Variants in FAM185A observed in about 807,000 individuals in gnomAD.
FAM185A encodes protein FAM185A.
Under a neutral mutation model 45.7 loss-of-function variants are expected in FAM185A, and 21 were observed. The ratio of observed to expected loss-of-function variants is 0.46; its 90% CI spans 0.33 to 0.66. The LOEUF is 0.66. Among genes scored for constraint, FAM185A ranks in the 30% least tolerant of loss-of-function variants. The pLI is 0.03. For missense variants in FAM185A, 305 were observed against 485.4 expected (o/e 0.63, Z 3.49); for synonymous variants, 117 against 194.0 (o/e 0.60, Z 3.30).
At chr7:102,791,570 G>T (rs1362475593) in intron 7 of FAM185A, among the ~76,000 whole-genome samples, 1 of 152,222 alleles carries the variant, frequency 6.6e-6, no homozygotes. Context: ...GGGCCAAATC[G>T]CAGAATGATG....
chr7:102,753,554 G>A (rs1280704984), intron 2 of FAM185A, among the ~76,000 whole-genome samples: 2 of 152,124 alleles, frequency 1.3e-5, no homozygotes, highest in East Asian at 1.9e-4. Context: ...ATGCTCCTCA[G>A]TTGTGACAAG....
At chr7:102,845,119 A>C in the FAM185A span, among the ~76,000 whole-genome samples, 2 of 152,112 alleles carry the variant, frequency 1.3e-5, no homozygotes, top group African/African-American at 4.8e-5. Flanking sequence ...AGACACCATC[A>C]ATTATTAGCT....
At chr7:102,758,110 AC>A (rs1793872986) in intron 3 of FAM185A, among the ~76,000 whole-genome samples, 164 bp downstream of exon 3, 1 of 152,000 alleles carries the variant, frequency 6.6e-6, no homozygotes, top group Non-Finnish European at 1.5e-5. Context: ...GAAATAATAT[AC>A]AACTTAAGTT....
intron 7 of FAM185A, among the ~76,000 whole-genome samples, chr7:102,792,820 G>C (rs906967054): frequency 6.6e-6 from 1 of 151,552 alleles, no homozygotes; most frequent in African/African-American, 2.4e-5. Context: ...AAAGGACAGA[G>C]GGTAATAACA....
chr7:102,823,075 ACC>A, the FAM185A span, among the ~76,000 whole-genome samples: 3 of 151,578 alleles, frequency 2.0e-5, no homozygotes, highest in Non-Finnish European at 4.4e-5. Flanking sequence ...TGCCCTGCCC[ACC>A]CCCCACACAA....
In FAM185A at chr7:102,787,336, T is replaced by C; in HGVS notation, c.933T>C (p.Gly311=). The change falls in exon 7 of 8, where the codon GGT becomes GGC. Residue 311 remains glycine, a splice_region_variant and synonymous_variant. Transcript: ENST00000413034. The stretch of plus-strand genomic sequence containing the variant: ...AGCTCTCCATTATATTTATTACAGG[T>C]TCTATTATTGTCAAGGTCCCATCTT... ...LGKVELKSHK[G]SIIVKVPSSL... is the part of the protein sequence containing the mutation. 3 of 1,457,494 alleles carry C rather than the reference T, an allele frequency of 2.1e-6. No homozygotes were observed. Among genetic ancestry groups the C allele is most frequent in the Non-Finnish European group, 2.7e-6 (3 of 1,093,282 alleles). 90.3% of individuals were successfully genotyped at this position (1,457,494 alleles called of 1,614,324 possible). A position where few individuals can be genotyped will look rare whatever the true frequency, so the allele number is the denominator to read the frequency against.
chr7:102,818,596 A>G, the FAM185A span, among the ~76,000 whole-genome samples: 2 of 152,168 alleles, frequency 1.3e-5, no homozygotes, highest in African/African-American at 4.8e-5. Flanking sequence ...CAGATCTCCT[A>G]GAATGCCTGA....
chr7:102,839,267 C>T, the FAM185A span, among the ~76,000 whole-genome samples: 1 of 152,136 alleles, frequency 6.6e-6, no homozygotes, highest in African/African-American at 2.4e-5. Flanking sequence ...TGACCTTCTC[C>T]CCACCATCAC....
At chr7:102,756,474 G>A (rs1483321607) in intron 2 of FAM185A, among the ~76,000 whole-genome samples, 2 of 151,394 alleles carry the variant, frequency 1.3e-5, no homozygotes, top group East Asian at 3.9e-4. Context: ...TGGCCAACAC[G>A]GTGAAACCCC....
intron 3 of FAM185A, among the ~76,000 whole-genome samples, chr7:102,760,493 A>G (rs1318336973): frequency 6.6e-6 from 1 of 152,086 alleles, no homozygotes; most frequent in African/African-American, 2.4e-5. Flanking sequence ...CAGATAAAGT[A>G]TGTGCTAAAA....
chr7:102,765,339 G>A (rs1178790738), intron 4 of FAM185A, among the ~76,000 whole-genome samples: 1 of 152,140 alleles, frequency 6.6e-6, no homozygotes, highest in Non-Finnish European at 1.5e-5. Flanking sequence ...GTTCCATACA[G>A]TGTTTGGGCT....
chr7:102,754,263 C>T (rs1396697038), intron 2 of FAM185A, among the ~76,000 whole-genome samples: 3 of 152,012 alleles, frequency 2.0e-5, no homozygotes, highest in African/African-American at 4.8e-5. Flanking sequence ...TGCAATGACA[C>T]GATCTTGGCT....
At chr7:102,816,955 T>G in the FAM185A span, among the ~76,000 whole-genome samples, 1 of 152,268 alleles carries the variant, frequency 6.6e-6, no homozygotes, top group Admixed American at 6.5e-5. Context: ...TTTTTATGAC[T>G]GTGTAGCATC....
At chr7:102,798,789 C>T (rs1232516816) in intron 7 of FAM185A, among the ~76,000 whole-genome samples, 1 of 151,470 alleles carries the variant, frequency 6.6e-6, no homozygotes, top group East Asian at 1.9e-4. Flanking sequence ...CTATTGTTGC[C>T]CAGACTGGAG....
At chr7:102,820,089 C>CA in the FAM185A span, among the ~76,000 whole-genome samples, 2 of 152,176 alleles carry the variant, frequency 1.3e-5, no homozygotes, top group South Asian at 4.1e-4. Flanking sequence ...TGGGACTCTC[C>CA]AAGCCACTCT....
At chr7:102,793,615 A>T (rs1166794707) in intron 7 of FAM185A, among the ~76,000 whole-genome samples, 1 of 152,068 alleles carries the variant, frequency 6.6e-6, no homozygotes, top group Non-Finnish European at 1.5e-5. Context: ...CCAAAAAAGA[A>T]GATCAGGTTT....
intron 4 of FAM185A, among the ~76,000 whole-genome samples, chr7:102,771,397 A>C (rs555694039): frequency 2.0e-5 from 3 of 152,312 alleles, no homozygotes; most frequent in African/African-American, 7.2e-5. Flanking sequence ...TCAGTACACA[A>C]ACCAAGTTTT....
At chr7:102,816,869 T>C in the FAM185A span, among the ~76,000 whole-genome samples, 1 of 152,248 alleles carries the variant, frequency 6.6e-6, no homozygotes, top group African/African-American at 2.4e-5. Flanking sequence ...TTTGGTTTTC[T>C]GTTTCTCTGT....
chr7:102,776,702 T>TAAAA (rs72022042), intron 5 of FAM185A, among the ~76,000 whole-genome samples: 1 of 97,090 alleles, frequency 1.0e-5, no homozygotes, highest in African/African-American at 3.8e-5. Flanking sequence ...ACCCTGTCTC[T>TAAAA]AAAAAAAAAA....
Sources: allele counts gnomAD v4.1 joint callset (sites outside exome capture counted in the v4.1 genomes callset), GRCh38; gene constraint gnomAD v4.1.1; transcripts MANE v1.5; gene names NCBI Gene and HGNC (gene_info 2026-07-23, HGNC 2026-07-21).